The following CXCL8 variants were observed in gnomAD, a reference collection of about 807,000 sequenced individuals.
CXCL8 encodes the protein C-X-C motif chemokine ligand 8, also known as interleukin-8.
Under a neutral mutation model 10.9 loss-of-function variants are expected in CXCL8, and 12 were observed. That is an observed-to-expected ratio of 1.10 (90% CI 0.71 to 1.79). The LOEUF is 1.79. Among genes scored for constraint, CXCL8 ranks in the 40% most tolerant of loss-of-function variants. The pLI is 0.00. For synonymous variants in CXCL8, 41 were observed against 39.6 expected (o/e 1.03, Z -0.13); for missense variants, 145 against 113.4 (o/e 1.28, Z -1.26).
chr4:73,742,045 T>A lies in CXCL8; in HGVS notation c.284+13T>A, dbSNP rs776188727. Reference sequence around the variant, plus strand: ...AGTTTTTGAAGAGGTAAGTTATATATTTTTTAATTTAAATTTTTCATTTAT... The same window carrying A: ...AGTTTTTGAAGAGGTAAGTTATATAATTTTTAATTTAAATTTTTCATTTAT... On this transcript the variant is annotated intron_variant, in intron 3 of 3. Transcript: ENST00000307407. 2.7e-5 allele frequency: 39 copies of A among 1,467,864 alleles called. No individual in the cohort carries two copies. The highest frequency in any genetic ancestry group is 7.6e-5 in the South Asian group (6 of 79,064). 90.9% of individuals were successfully genotyped at this position (1,467,864 alleles called of 1,614,324 possible).
intron 3 of CXCL8, 46 bp downstream of exon 3, chr4:73,742,078 C>A: frequency 8.8e-7 from 1 of 1,132,780 alleles, no homozygotes; most frequent in African/African-American, 1.6e-5. Context: ...TATCCTGAGA[C>A]ATATAATCCA....
intron 1 of CXCL8, 125 bp from the exon 2 acceptor site, chr4:73,741,417 G>T (rs1729169197): frequency 3.0e-5 from 25 of 838,672 alleles, no homozygotes; most frequent in Non-Finnish European, 4.2e-5. Context: ...ATTCAGGAAT[G>T]AGTTCACTAG....
chr4:73,741,832 A>G, intron 2 of CXCL8, 117 bp from the exon 3 acceptor site: 1 of 1,044,882 alleles, frequency 9.6e-7, no homozygotes, highest in Non-Finnish European at 1.5e-6. Context: ...TAAATATGGT[A>G]GCTTCCACAA....
chr4:73,740,578 C>A lies in CXCL8; in HGVS notation c.-81C>A. Reference sequence around the variant, plus strand: ...GAGCACTCCATAAGGCACAAACTTTCAGAGACAGCAGAGCACACAAGCTTC... The same window carrying A: ...GAGCACTCCATAAGGCACAAACTTTAAGAGACAGCAGAGCACACAAGCTTC... On this transcript the variant is annotated 5_prime_UTR_variant, in exon 1 of 4. Transcript: ENST00000307407. The A allele has an allele frequency of 1.5e-6, 2 of 1,304,604 alleles. No individual in the cohort carries two copies. The highest frequency in any genetic ancestry group is 2.2e-6 in the Non-Finnish European group (2 of 916,674). 80.8% of individuals were successfully genotyped at this position (1,304,604 alleles called of 1,614,324 possible).
rs1462522110 is a variant in CXCL8, at chr4:73,741,987, C to A, written c.239C>A (p.Pro80His). Reference sequence around the variant, plus strand: ...GATGGAAGAGAGCTCTGTCTGGACCCCAAGGAAAACTGGGTGCAGAGGGTT... The same window carrying A: ...GATGGAAGAGAGCTCTGTCTGGACCACAAGGAAAACTGGGTGCAGAGGGTT... The part of the protein sequence containing the change: ...LSDGRELCLD[P>H]KENWVQRVVE... Residue 80 changes from proline to histidine, a missense_variant, in exon 3 of 4, where the codon CCC (proline) becomes CAC (histidine). Transcript: ENST00000307407. 9.9e-6 allele frequency: 16 copies of A among 1,611,232 alleles called. No individual in the cohort carries two copies. Among genetic ancestry groups the A allele is most frequent in the African/African-American group, 1.3e-5 (1 of 74,748 alleles).
At chr4:73,741,813 C>A in intron 2 of CXCL8, 136 bp downstream of exon 2, 2 of 1,061,098 alleles carry the variant, frequency 1.9e-6, no homozygotes, top group Non-Finnish European at 2.8e-6. Flanking sequence ...TATTTGTCTA[C>A]ATGACATTTA....
chr4:73,740,675 C>T lies in CXCL8; in HGVS notation c.17C>T (p.Ala6Val). The T allele has an allele frequency of 6.2e-7, 1 of 1,613,622 alleles. No individual in the cohort carries two copies. Among genetic ancestry groups the T allele is most frequent in the Non-Finnish European group, 8.5e-7 (1 of 1,179,690 alleles). ...TGTGTAAACATGACTTCCAAGCTGG[C>T]CGTGGCTCTCTTGGCAGCCTTCCTG... MTSKL[A>V]VALLAAFLIS... The change falls in exon 1 of 4, where the codon GCC (alanine) becomes GTC (valine). Residue 6 changes from alanine to valine, a missense_variant. Coordinates refer to ENST00000307407, the MANE Select transcript of CXCL8 (RefSeq NM_000584.4).
Position 73,742,617 on chromosome 4 carries a change from A to G in CXCL8, c.*153A>G, listed in dbSNP as rs966671656. On this transcript the variant is annotated 3_prime_UTR_variant, in exon 4 of 4. Coordinates refer to ENST00000307407, the MANE Select transcript of CXCL8 (RefSeq NM_000584.4). ...TGGTTAAATTTGAATTTCAGTAAAC[A>G]ATGAATAGTTTTTCATTGTACCATG... 5 of 459,912 alleles carry G rather than the reference A, an allele frequency of 1.1e-5. No homozygotes were observed. Among genetic ancestry groups the G allele is most frequent in the Non-Finnish European group, 1.6e-5 (4 of 252,200 alleles). The allele number at this position is 459,912 out of a possible 1,614,324, so 28.5% of individuals were successfully genotyped here.
chr4:73,740,799 C>A, intron 1 of CXCL8, 77 bp downstream of exon 1: 4 of 1,140,872 alleles, frequency 3.5e-6, no homozygotes, highest in South Asian at 1.4e-5. Flanking sequence ...ATTCTTGATG[C>A]TTTGGTAACA....
intron 1 of CXCL8, 129 bp downstream of exon 1, chr4:73,740,851 CAATT>C (rs1033844995): frequency 7.1e-6 from 5 of 704,986 alleles, no homozygotes; most frequent in African/African-American, 3.7e-5. Context: ...TCTTAGCAGT[CAATT>C]AATGTTAAAT....
rs201374695 is a variant in CXCL8 at position 73,741,931 on chromosome 4, A to C, written c.201-18A>C. On this transcript the variant is annotated intron_variant, in intron 2 of 3. Transcript: ENST00000307407. ...CAAAAACTAAATATTAATCTGAACCATTTCTTTCTTATTTCAGTGTAAAGC... is the reference window on the plus strand; with the variant it reads ...CAAAAACTAAATATTAATCTGAACCCTTTCTTTCTTATTTCAGTGTAAAGC... The C allele has an allele frequency of 1.2e-4, 184 of 1,549,078 alleles. No individual in the cohort carries two copies. Among genetic ancestry groups the C allele is most frequent in the Non-Finnish European group, 1.5e-4 (173 of 1,122,668 alleles).
chr4:73,742,382 T>C, intron 3 of CXCL8, 67 bp from the exon 4 acceptor site: 1 of 790,682 alleles, frequency 1.3e-6, no homozygotes, highest in Non-Finnish European at 2.1e-6. Flanking sequence ...CTATATTGAC[T>C]TTTCAAGAAC....
In CXCL8 at chr4:73,740,972, C is replaced by T. The variant is rs56195151; in HGVS notation, c.64+250C>T. Among the ~76,000 whole-genome samples the T allele has an allele frequency of 1.6e-3, 251 of 152,160 alleles. 2 individuals are homozygous for T. Among genetic ancestry groups the T allele is most frequent in the Non-Finnish European group, 2.3e-3 (153 of 67,994 alleles). ...TACCATGTAGCATGCATATATTTAA[C>T]GTAAATAAGTAATTTATAGTATGTC... On this transcript the variant is annotated intron_variant, in intron 1 of 3. Transcript: ENST00000307407.
chr4:73,742,176 A>G, intron 3 of CXCL8, 144 bp downstream of exon 3: 1 of 604,656 alleles, frequency 1.7e-6, no homozygotes, highest in East Asian at 2.9e-5. Context: ...TAGCATCAAT[A>G]GTGAGTTTGT....
rs1275076971 is a variant in CXCL8 at position 73,742,748 on chromosome 4, A to G, written c.*284A>G. 7 of 285,222 alleles carry G rather than the reference A, an allele frequency of 2.5e-5. No individual in the cohort carries two copies. The highest frequency in any genetic ancestry group is 4.3e-5 in the African/African-American group (2 of 46,646). 17.7% of individuals were successfully genotyped at this position (285,222 alleles called of 1,614,324 possible). On this transcript the variant is annotated 3_prime_UTR_variant, in exon 4 of 4. Coordinates refer to ENST00000307407, the MANE Select transcript of CXCL8 (RefSeq NM_000584.4). Reference sequence around the variant, plus strand: ...ATTTTCCTAGATATTGCACGGGAGAATATACAAATAGCAAAATTGAGGCCA... The same window carrying G: ...ATTTTCCTAGATATTGCACGGGAGAGTATACAAATAGCAAAATTGAGGCCA...
At chr4:73,741,719 CTTAAAA>C in intron 2 of CXCL8, 42 bp downstream of exon 2, 1 of 1,566,556 alleles carries the variant, frequency 6.4e-7, no homozygotes, top group Non-Finnish European at 8.7e-7. Flanking sequence ...TTTTAGCAAA[CTTAAAA>C]TTAAGGAAGG....
rs1212456283 is a variant in CXCL8, at chr4:73,743,639, T to A, written c.*1175T>A. 2.0e-5 allele frequency: 4 copies of A among 201,922 alleles called. No homozygotes were observed. The highest frequency in any genetic ancestry group is 9.1e-5 in the African/African-American group (4 of 43,898). The allele number at this position is 201,922 out of a possible 1,614,324, so 12.5% of individuals were successfully genotyped here. On this transcript the variant is annotated 3_prime_UTR_variant, in exon 4 of 4. Coordinates refer to ENST00000307407, the MANE Select transcript of CXCL8 (RefSeq NM_000584.4). ...AGATGTTTTTATGTGCTCTCCAAAT[T>A]TTTTTTACTGTTTCTGATTGTATGG...
At chr4:73,740,816 C>T (rs1729152194) in intron 1 of CXCL8, 94 bp downstream of exon 1, 4 of 978,896 alleles carry the variant, frequency 4.1e-6, no homozygotes, top group Non-Finnish European at 6.2e-6. Flanking sequence ...AACAAACATC[C>T]TTTTTATTCA....
intron 1 of CXCL8, 24 bp downstream of exon 1, chr4:73,740,746 A>C: frequency 6.2e-7 from 1 of 1,606,610 alleles, no homozygotes; most frequent in Non-Finnish European, 8.5e-7. Flanking sequence ...TCTGACCTAC[A>C]GCGTTTTCCT....
Sources: allele counts gnomAD v4.1 joint callset (sites outside exome capture counted in the v4.1 genomes callset), GRCh38; gene constraint gnomAD v4.1.1; transcripts MANE v1.5; gene names NCBI Gene and HGNC (gene_info 2026-07-23, HGNC 2026-07-21).